Variants in RBFOX1 observed in about 807,000 individuals in gnomAD.
RBFOX1 encodes RNA binding fox-1 homolog 1.
RBFOX1 carries 8 observed loss-of-function variants against 57.7 expected under a neutral mutation model. The ratio of observed to expected loss-of-function variants is 0.14; its 90% CI spans 0.08 to 0.25. RBFOX1 has a LOEUF of 0.25. RBFOX1 is among the 10% of genes least tolerant of loss of function. The pLI is 1.00. For missense variants in RBFOX1, 611 were observed against 548.5 expected (o/e 1.11, Z -1.14); for synonymous variants, 326 against 222.4 (o/e 1.47, Z -4.15).
intron 3 of RBFOX1, among the ~76,000 whole-genome samples, chr16:5,766,029 C>T (rs1169563885): frequency 3.9e-5 from 6 of 152,166 alleles, no homozygotes; most frequent in African/African-American, 1.4e-4. Context: ...ACAGTGGGGA[C>T]TAGCTTGGTA....
At chr16:6,020,652 G>T (rs1332650948) in intron 1 of RBFOX1, among the ~76,000 whole-genome samples, 1 of 152,160 alleles carries the variant, frequency 6.6e-6, no homozygotes, top group Non-Finnish European at 1.5e-5. Flanking sequence ...CCCCAGAGAA[G>T]GAAACACAGG....
chr16:7,688,458 G>A (rs1035787967), intron 14 of RBFOX1, among the ~76,000 whole-genome samples: 6 of 152,018 alleles, frequency 3.9e-5, no homozygotes, highest in African/African-American at 4.8e-5. Context: ...GAATGTTTAC[G>A]TCCCACCTGC....
chr16:5,401,126 G>C (rs1260284541), intron 1 of RBFOX1, among the ~76,000 whole-genome samples: 1 of 152,030 alleles, frequency 6.6e-6, no homozygotes, highest in Non-Finnish European at 1.5e-5. Flanking sequence ...TCCCTATCAA[G>C]TTTGTGCTTA....
At chr16:5,443,586 C>T (rs867181541) in intron 1 of RBFOX1, among the ~76,000 whole-genome samples, 18 of 152,172 alleles carry the variant, frequency 1.2e-4, no homozygotes, top group African/African-American at 3.6e-4. Flanking sequence ...GTGATTCTCC[C>T]ACCTTGGCCT....
rs544609792 is a variant in RBFOX1, at chr16:6,762,747, A to G, written c.-16+108097A>G. Among the ~76,000 whole-genome samples, 4 of 151,996 alleles carry G rather than the reference A, an allele frequency of 2.6e-5. No homozygotes were observed. In the East Asian group the frequency reaches 7.8e-4, roughly 29 times the overall value. ...TAGAGATAGAAAAATAGTAAGGTAA[A>G]GAGCCTTACCCCAAGGGGATAGGGG... is the stretch of plus-strand genomic sequence containing the variant. On this transcript the variant is annotated intron_variant, in intron 3 of 15. Transcript: ENST00000550418.
intron 2 of RBFOX1, among the ~76,000 whole-genome samples, chr16:6,487,182 A>T (rs1215773318): frequency 8.8e-6 from 1 of 113,912 alleles, no homozygotes; most frequent in Non-Finnish European, 1.8e-5. Flanking sequence ...GTGTGTGTGT[A>T]CCCAAAAGGC....
intron 4 of RBFOX1, among the ~76,000 whole-genome samples, chr16:7,405,269 C>G (rs1331811572): frequency 6.6e-6 from 1 of 152,184 alleles, no homozygotes; most frequent in Non-Finnish European, 1.5e-5. Flanking sequence ...GCGCTGATGC[C>G]AGCCCAGAGG....
intron 3 of RBFOX1, among the ~76,000 whole-genome samples, chr16:6,980,610 A>C (rs569153050): frequency 6.6e-6 from 1 of 152,324 alleles, no homozygotes; most frequent in South Asian, 2.1e-4. Context: ...GGCAGGTTTT[A>C]GCTGAAAAAC....
At chr16:6,989,302 A>G (rs59212224) in intron 3 of RBFOX1, among the ~76,000 whole-genome samples, 5,772 of 152,258 alleles carry the variant, frequency 0.038, 385 homozygotes, top group African/African-American at 0.13. Context: ...GTCTATGAAG[A>G]TATATTTACA....
At chr16:7,664,899 A>G in intron 12 of RBFOX1, 30 bp from the exon 13 acceptor site, 1 of 1,613,716 alleles carries the variant, frequency 6.2e-7, no homozygotes, top group Non-Finnish European at 8.5e-7. Context: ...ACTAATATGG[A>G]TGTTTCTCTT....
chr16:6,190,955 G>T (rs1338939278), intron 1 of RBFOX1, among the ~76,000 whole-genome samples: 2 of 152,044 alleles, frequency 1.3e-5, no homozygotes, highest in Non-Finnish European at 2.9e-5. Flanking sequence ...AAAACTTGAG[G>T]CCGGCAGTCT....
intron 2 of RBFOX1, among the ~76,000 whole-genome samples, chr16:6,404,549 A>T (rs1411905769): frequency 4.0e-4 from 61 of 152,136 alleles, no homozygotes; most frequent in Non-Finnish European, 4.4e-5. Flanking sequence ...CTAATATTTC[A>T]TGCCAGAGTG....
intron 4 of RBFOX1, among the ~76,000 whole-genome samples, chr16:7,196,052 T>C (rs2086620121): frequency 1.3e-5 from 2 of 152,038 alleles, no homozygotes; most frequent in South Asian, 4.2e-4. Context: ...CAGCCTCCCA[T>C]AGGGAGTTTT....
At chr16:6,225,791 A>G (rs1249440782) in intron 1 of RBFOX1, among the ~76,000 whole-genome samples, 2 of 152,226 alleles carry the variant, frequency 1.3e-5, no homozygotes, top group Admixed American at 6.5e-5. Context: ...AAAAGTTCCT[A>G]CTAGCCTAGG....
chr16:6,246,591 A>C (rs1209262120), intron 1 of RBFOX1, among the ~76,000 whole-genome samples: 1 of 152,124 alleles, frequency 6.6e-6, no homozygotes, highest in Non-Finnish European at 1.5e-5. Flanking sequence ...AATTGGCCAA[A>C]AGGAAAAGGG....
intron 2 of RBFOX1, among the ~76,000 whole-genome samples, chr16:5,588,640 T>G (rs2046909191): frequency 6.6e-6 from 1 of 152,272 alleles, no homozygotes; most frequent in Non-Finnish European, 1.5e-5. Context: ...ATGTGAGCAA[T>G]GGACAGCACT....
intron 4 of RBFOX1, among the ~76,000 whole-genome samples, chr16:7,052,413 C>G (rs746882670): frequency 2.0e-5 from 3 of 152,114 alleles, no homozygotes; most frequent in Non-Finnish European, 2.9e-5. Context: ...TAACAAAGGT[C>G]AAAAGGATGG....
intron 2 of RBFOX1, among the ~76,000 whole-genome samples, chr16:5,543,631 T>C (rs1010387300): frequency 9.9e-5 from 15 of 152,166 alleles, no homozygotes; most frequent in Non-Finnish European, 2.1e-4. Context: ...TTACAGATAG[T>C]GGCTTAAAAT....
chr16:6,727,674 G>T (rs1447653894), intron 3 of RBFOX1, among the ~76,000 whole-genome samples: 1 of 152,134 alleles, frequency 6.6e-6, no homozygotes, highest in African/African-American at 2.4e-5. Flanking sequence ...AATGAGGAAT[G>T]TGTCTACTTA....
Sources: gnomAD v4.1 joint callset for allele counts (sites outside exome capture counted in the v4.1 genomes callset) on GRCh38, gnomAD v4.1.1 for gene constraint, MANE v1.5 for transcripts, NCBI Gene and HGNC (gene_info 2026-07-23, HGNC 2026-07-21) for gene names.